GRIK1: variants seen among roughly 807,000 people sequenced by gnomAD.
GRIK1 encodes glutamate receptor ionotropic, kainate 1.
GRIK1 carries 69 observed loss-of-function variants against 105.7 expected under a neutral mutation model. The ratio of observed to expected loss-of-function variants is 0.65; its 90% confidence interval spans 0.54 to 0.80. The LOEUF (loss-of-function observed/expected upper bound fraction) is 0.80, where lower values mean the gene tolerates loss of function less well. Among genes scored for constraint, GRIK1 ranks in the 30% least tolerant of loss-of-function variants. The probability of loss-of-function intolerance (pLI) is 0.00; values close to 1 mark genes in which losing one functional copy is unlikely to be tolerated. For missense variants in GRIK1, 1,109 were observed against 1,167.3 expected, an observed-to-expected ratio of 0.95 and a Z score of 0.73; for synonymous variants, 438 against 431.3, an observed-to-expected ratio of 1.02 and a Z score of -0.19.
At chr21:29,872,112 T>A (rs890071640) in intron 1 of GRIK1, among the ~76,000 whole-genome samples, 9 of 151,976 alleles carry the variant, frequency 5.9e-5, no homozygotes, top group Admixed American at 3.9e-4. Context: ...ATATTAATGG[T>A]GTACGACATG....
chr21:29,693,888 A>G lies in GRIK1; in HGVS notation c.286+8T>C. 2.5e-6 allele frequency: 4 copies of G among 1,605,084 alleles called. No homozygotes were observed. The highest frequency in any genetic ancestry group is 3.4e-6 in the Non-Finnish European group (4 of 1,173,168). On this transcript the variant is annotated splice_region_variant and intron_variant, in intron 2 of 17. Coordinates refer to ENST00000327783, the MANE Select transcript of GRIK1 (RefSeq NM_001330994.2). ...CAAAGAAGCTTTTAAAAGTGGGAAA[A>G]TAGTTACCTCTCCGCGAGGCTTCAA...
intron 1 of GRIK1, among the ~76,000 whole-genome samples, chr21:29,863,284 G>A (rs1412508681): frequency 2.0e-5 from 3 of 152,050 alleles, no homozygotes; most frequent in Non-Finnish European, 4.4e-5. Context: ...CAGGGGTGGA[G>A]GTCCAAAAAC....
intron 1 of GRIK1, among the ~76,000 whole-genome samples, chr21:29,834,628 C>T (rs897284600): frequency 6.6e-5 from 10 of 150,864 alleles, no homozygotes; most frequent in South Asian, 2.1e-4. Context: ...TACTCTACCC[C>T]GAAACTTCTT....
intron 1 of GRIK1, among the ~76,000 whole-genome samples, chr21:29,799,052 A>T (rs1163236211): frequency 6.6e-6 from 1 of 152,226 alleles, no homozygotes; most frequent in Non-Finnish European, 1.5e-5. Context: ...ATTGCCTGGA[A>T]TTGTCACATT....
intron 7 of GRIK1, among the ~76,000 whole-genome samples, chr21:29,604,527 A>C (rs1206504830): frequency 6.6e-6 from 1 of 152,232 alleles, no homozygotes; most frequent in Non-Finnish European, 1.5e-5. Flanking sequence ...TGTGATAAAT[A>C]GGATCCATGA....
chr21:29,905,474 T>G (rs2070579387), intron 1 of GRIK1, among the ~76,000 whole-genome samples: 1 of 150,972 alleles, frequency 6.6e-6, no homozygotes, highest in South Asian at 2.1e-4. Context: ...GAGACACAGT[T>G]TCACTCTTCC....
chr21:29,915,409 C>T (rs1459823255), intron 1 of GRIK1, among the ~76,000 whole-genome samples: 2 of 152,036 alleles, frequency 1.3e-5, no homozygotes, highest in African/African-American at 4.8e-5. Context: ...TTAATTCATT[C>T]ATCCAATCAT....
intron 14 of GRIK1, among the ~76,000 whole-genome samples, chr21:29,562,162 C>A (rs1208050283): frequency 6.6e-6 from 1 of 152,188 alleles, no homozygotes; most frequent in Non-Finnish European, 1.5e-5. Flanking sequence ...TCCTTTCAAT[C>A]ACTCAACTCC....
At position 29,820,779 on chromosome 21, in the gene GRIK1, T is replaced by A. The variant is rs190941037; in HGVS notation, c.118+118604A>T. ...GCACTAGGCACTGATTTAAGTGACA[T>A]ACATACGTTAATTGATTTATTACTA... On this transcript the variant is annotated intron_variant, in intron 1 of 17. Transcript: ENST00000327783. 1.5e-3 allele frequency among the ~76,000 whole-genome samples: 222 copies of A among 152,184 alleles called. 1 individual carries two copies. The highest frequency in any genetic ancestry group is 0.014 in the Admixed American group (212 of 15,268).
intron 1 of GRIK1, among the ~76,000 whole-genome samples, chr21:29,750,366 C>G (rs1040034978): frequency 6.6e-6 from 1 of 151,362 alleles, no homozygotes; most frequent in Non-Finnish European, 1.5e-5. Context: ...AAAGGAAAGA[C>G]AAGCCAACCA....
chr21:29,834,380 C>T (rs750235714), intron 1 of GRIK1, among the ~76,000 whole-genome samples: 8 of 149,512 alleles, frequency 5.4e-5, no homozygotes, highest in African/African-American at 1.5e-4. Flanking sequence ...TGATGGTTAT[C>T]GAGATAATAG....
chr21:29,738,005 C>A (rs1419220537), intron 1 of GRIK1, among the ~76,000 whole-genome samples: 1 of 152,176 alleles, frequency 6.6e-6, no homozygotes, highest in Non-Finnish European at 1.5e-5. Context: ...TTATAGGAAG[C>A]AAATCTCCCC....
chr21:29,557,525 A>G (rs1264878172), intron 15 of GRIK1, among the ~76,000 whole-genome samples: 1 of 152,196 alleles, frequency 6.6e-6, no homozygotes, highest in Non-Finnish European at 1.5e-5. Flanking sequence ...GTCCTATGGC[A>G]TGGTTAAGTT....
At chr21:29,924,502 A>G (rs1490847787) in intron 1 of GRIK1, among the ~76,000 whole-genome samples, 2 of 152,144 alleles carry the variant, frequency 1.3e-5, no homozygotes, top group African/African-American at 4.8e-5. Context: ...CTGAAACCCA[A>G]TCACCATGGT....
chr21:29,870,851 A>G (rs1459176506), intron 1 of GRIK1, among the ~76,000 whole-genome samples: 4 of 151,896 alleles, frequency 2.6e-5, no homozygotes, highest in African/African-American at 4.8e-5. Flanking sequence ...CCCACTAACA[A>G]TGGGCTCACG....
chr21:29,751,556 C>T (rs892152690), intron 1 of GRIK1, among the ~76,000 whole-genome samples: 1 of 152,082 alleles, frequency 6.6e-6, no homozygotes, highest in Non-Finnish European at 1.5e-5. Flanking sequence ...TATTATGGAG[C>T]CATCTCTTAA....
At chr21:29,782,815 T>G (rs1435076956) in intron 1 of GRIK1, among the ~76,000 whole-genome samples, 2 of 152,248 alleles carry the variant, frequency 1.3e-5, no homozygotes, top group Non-Finnish European at 2.9e-5. Context: ...TGCTTCATTT[T>G]ATCAACCCTT....
intron 2 of GRIK1, among the ~76,000 whole-genome samples, chr21:29,692,371 G>T (rs959883337): frequency 6.6e-6 from 1 of 152,140 alleles, no homozygotes; most frequent in African/African-American, 2.4e-5. Context: ...AGAAAGAAAA[G>T]TGATAGATCT....
chr21:29,679,146 G>T (rs1297155762), intron 3 of GRIK1, among the ~76,000 whole-genome samples: 1 of 152,074 alleles, frequency 6.6e-6, no homozygotes, highest in African/African-American at 2.4e-5. Flanking sequence ...TTATTATTGC[G>T]ATTTTCATTT....
Sources: gnomAD v4.1 joint callset for allele counts (sites outside exome capture counted in the v4.1 genomes callset) on GRCh38, gnomAD v4.1.1 for gene constraint, MANE v1.5 for transcripts, NCBI Gene and HGNC (gene_info 2026-07-23, HGNC 2026-07-21) for gene names.